RB1CC1: variants seen among roughly 807,000 people sequenced by gnomAD.
RB1CC1 encodes the protein RB1-inducible coiled-coil protein 1.
In RB1CC1, 46 loss-of-function variants were observed where a neutral mutation model predicts 177.5. The ratio of observed to expected loss-of-function variants is 0.26; its 90% confidence interval spans 0.20 to 0.33. The LOEUF (loss-of-function observed/expected upper bound fraction) is 0.33, where lower values mean the gene tolerates loss of function less well. Ranked by LOEUF, RB1CC1 falls within the 10% of genes least tolerant of loss-of-function variation. RB1CC1 has a pLI of 1.00. For synonymous variants in RB1CC1, 666 were observed against 613.6 expected (o/e 1.09, Z -1.26); for missense variants, 1,703 against 1,816.3 (o/e 0.94, Z 1.13).
rs1430893220 is a variant in RB1CC1, at chr8:52,656,903, A to G, written c.2926T>C (p.Leu976=). 10 of 1,613,170 alleles carry G rather than the reference A, an allele frequency of 6.2e-6. No individual in the cohort carries two copies. Among genetic ancestry groups the G allele is most frequent in the Admixed American group, 5.0e-5 (3 of 59,988 alleles). The stretch of plus-strand genomic sequence containing the variant: ...TCCAAGGACTGAAGTTCTGCCCTCA[A>G]TAACTGTAACTTCTCATCATTTTCA... ...HVENDEKLQL[L]RAELQSLEQS... is the part of the protein sequence containing the mutation. The change falls in exon 15 of 24, where the codon TTG becomes CTG. Residue 976 remains leucine (L), a synonymous_variant. Transcript: ENST00000025008.
Position 52,674,274 on chromosome 8 carries a change from A to G in RB1CC1, c.573T>C (p.His191=), listed in dbSNP as rs1319284089. 1.9e-6 allele frequency: 3 copies of G among 1,589,374 alleles called. No individual in the cohort carries two copies. In the South Asian group the frequency reaches 3.3e-5, roughly 18 times the overall value. Residue 191 remains histidine (H), a splice_region_variant and synonymous_variant, in exon 7 of 24, where the codon CAT becomes CAC. Transcript: ENST00000025008. The part of the protein sequence containing the change: ...SIEDIKLKLT[H]LGTAVSVMAK... ...CCATTACTGAAACTGCAGTTCCTAA[A>G]CTTAAAATACAAAAGATCTGTCAGT...
At chr8:52,626,009 A>G (rs1848363877) in intron 22 of RB1CC1, among the ~76,000 whole-genome samples, 1 of 152,230 alleles carries the variant, frequency 6.6e-6, no homozygotes, top group Admixed American at 6.5e-5. Context: ...AGAAACAGAA[A>G]AGCCCCTGGA....
intron 7 of RB1CC1, among the ~76,000 whole-genome samples, chr8:52,670,051 G>C (rs554708230): frequency 6.6e-6 from 1 of 151,994 alleles, no homozygotes; most frequent in African/African-American, 2.4e-5. Context: ...GCGATCCTAC[G>C]GCCTCAGCAT....
At chr8:52,647,445 G>C (rs193055438) in intron 15 of RB1CC1, among the ~76,000 whole-genome samples, 57 of 152,186 alleles carry the variant, frequency 3.7e-4, no homozygotes, top group African/African-American at 1.3e-3. Context: ...TGAAGAAGAG[G>C]GGGATGTGCA....
rs768727464 is a variant in RB1CC1, at chr8:52,642,808, T to C, written c.3992A>G (p.Asn1331Ser). ...CTCTCTTGTTAAAACAGTGTTAAAA[T>C]TGGTCTGGAACAAGAGAATAATTAT... is the stretch of plus-strand genomic sequence containing the variant. ...RTSLIAEQQT[N>S]FNTVLTREKM... Residue 1331 changes from asparagine to serine, a missense_variant, in exon 17 of 24, where the codon AAT (asparagine) becomes AGT (serine). By Grantham distance (46) the Asn-to-Ser change is conservative. This residue lies in a region of RB1CC1 where 1,169 missense variants were observed against 1,184.7 expected (regional missense o/e 0.99). Transcript: ENST00000025008. The C allele has an allele frequency of 9.7e-6, 15 of 1,548,332 alleles. No homozygotes were observed. Among genetic ancestry groups the C allele is most frequent in the East Asian group, 6.8e-5 (3 of 44,250 alleles).
chr8:52,665,973 T>A (rs531734813), intron 8 of RB1CC1, among the ~76,000 whole-genome samples: 1 of 152,266 alleles, frequency 6.6e-6, no homozygotes, highest in Non-Finnish European at 1.5e-5. Flanking sequence ...ACCTATATCC[T>A]ATGATTAGGG....
At chr8:52,634,665 C>T (rs1220351293) in intron 20 of RB1CC1, among the ~76,000 whole-genome samples, 1 of 152,086 alleles carries the variant, frequency 6.6e-6, no homozygotes, top group Admixed American at 6.6e-5. Context: ...CTGGTCAGAC[C>T]TACAGCCGTA....
chr8:52,701,218 G>T (rs1164586184), intron 1 of RB1CC1, among the ~76,000 whole-genome samples: 2 of 152,130 alleles, frequency 1.3e-5, no homozygotes, highest in Non-Finnish European at 2.9e-5. Flanking sequence ...CGCCTCCTGG[G>T]TTCAAGGAAT....
intron 1 of RB1CC1, among the ~76,000 whole-genome samples, chr8:52,712,881 T>C (rs1394547986): frequency 1.3e-5 from 2 of 152,222 alleles, no homozygotes; most frequent in Non-Finnish European, 2.9e-5. Context: ...GGTCTGCTTA[T>C]AAATCCAATA....
At chr8:52,690,577 A>T (rs1854756751) in intron 1 of RB1CC1, among the ~76,000 whole-genome samples, 1 of 152,240 alleles carries the variant, frequency 6.6e-6, no homozygotes, top group East Asian at 1.9e-4. Context: ...TGTTGGGATA[A>T]GAAGAGGCCT....
chr8:52,683,527 A>G, intron 5 of RB1CC1, 22 bp downstream of exon 5: 2 of 1,472,698 alleles, frequency 1.4e-6, no homozygotes, highest in Non-Finnish European at 9.1e-7. Context: ...ACAATCAGTT[A>G]AAATAATTGT....
intron 12 of RB1CC1, among the ~76,000 whole-genome samples, chr8:52,659,367 G>GT (rs1181642343): frequency 1.3e-5 from 2 of 151,930 alleles, no homozygotes; most frequent in Admixed American, 1.3e-4. Flanking sequence ...ATGCACACAT[G>GT]TATTTTTTTT....
chr8:52,674,650 C>T (rs1202476814), intron 6 of RB1CC1, among the ~76,000 whole-genome samples: 1 of 152,022 alleles, frequency 6.6e-6, no homozygotes, highest in Non-Finnish European at 1.5e-5. Flanking sequence ...CACCTGCAAT[C>T]CCAGCTACTC....
chr8:52,643,041 T>C (rs1849710972), intron 16 of RB1CC1: 1 of 364,552 alleles, frequency 2.7e-6, no homozygotes, highest in Admixed American at 4.6e-5. Flanking sequence ...CTTATTATTG[T>C]CCATATATTT....
chr8:52,683,680 A>G lies in RB1CC1; in HGVS notation c.238T>C (p.Leu80=). Residue 80 remains leucine, a synonymous_variant, in exon 5 of 24, where the codon TTA becomes CTA. Coordinates refer to ENST00000025008, the MANE Select transcript of RB1CC1 (RefSeq NM_014781.5). Reference sequence around the variant, plus strand: ...GGAATAGCAGGTGGACGATCACATAAGATCATTTCTTTGTTAAAAAGAAAA... The same window carrying G: ...GGAATAGCAGGTGGACGATCACATAGGATCATTTCTTTGTTAAAAAGAAAA... ...PIFLFNKEMI[L]CDRPPAIPKT... is the part of the protein sequence containing the mutation. 6.3e-7 allele frequency: 1 copy of G among 1,597,100 alleles called. No homozygotes were observed. The highest frequency in any genetic ancestry group is 8.5e-7 in the Non-Finnish European group (1 of 1,174,676).
At chr8:52,684,913 TA>T (rs1854119232) in intron 3 of RB1CC1, among the ~76,000 whole-genome samples, 1 of 152,090 alleles carries the variant, frequency 6.6e-6, no homozygotes, top group Admixed American at 6.6e-5. Flanking sequence ...AAGCACAATT[TA>T]AAGAATGTAA....
intron 1 of RB1CC1, among the ~76,000 whole-genome samples, chr8:52,700,875 A>G (rs1231125354): frequency 2.6e-5 from 4 of 152,212 alleles, no homozygotes. Context: ...CTCAATCTCA[A>G]TGTTTAACAA....
In RB1CC1 at chr8:52,642,471, G is replaced by C; in HGVS notation, c.4217C>G (p.Ala1406Gly). The change falls in exon 18 of 24, where the codon GCC (alanine) becomes GGC (glycine). Residue 1406 changes from alanine to glycine, a missense_variant. Coordinates refer to ENST00000025008, the MANE Select transcript of RB1CC1 (RefSeq NM_014781.5). Reference protein sequence around the residue: ...SFVPSPYVATAPELYGACAPE... With the variant: ...SFVPSPYVATGPELYGACAPE... ...TGCACAAGCTCCATAAAGTTCTGGG[G>C]CTGTAGCTACATATGGTGAAGGAAC... is the stretch of plus-strand genomic sequence containing the variant. The C allele has an allele frequency of 2.5e-6, 4 of 1,613,974 alleles. No individual in the cohort carries two copies. The highest frequency in any genetic ancestry group is 3.4e-6 in the Non-Finnish European group (4 of 1,179,974).
Position 52,628,514 on chromosome 8 carries a change from C to T in RB1CC1, c.4500-346G>A, listed in dbSNP as rs543396212. 2.0e-5 allele frequency among the ~76,000 whole-genome samples: 3 copies of T among 152,232 alleles called. No individual in the cohort carries two copies. The East Asian group carries it at 5.8e-4, about 29-fold the overall frequency. On this transcript the variant is annotated intron_variant, in intron 21 of 23. Transcript: ENST00000025008. ...TTTTCTCCTAATCTTTCATTTCACACCAAAAATTCAGAGAGACATCTCATA... is the reference window on the plus strand; with the variant it reads ...TTTTCTCCTAATCTTTCATTTCACATCAAAAATTCAGAGAGACATCTCATA...
Sources: gnomAD v4.1 joint callset for allele counts (sites outside exome capture counted in the v4.1 genomes callset) on GRCh38, gnomAD v4.1.1 for gene constraint, gnomAD v4.1.1 regional missense constraint, MANE v1.5 for transcripts, NCBI Gene and HGNC (gene_info 2026-07-23, HGNC 2026-07-21) for gene names.